The following PRKCA variants were observed in gnomAD, a reference collection of about 807,000 sequenced individuals.
PRKCA encodes the protein protein kinase C alpha.
In PRKCA, 27 loss-of-function variants were observed where a neutral mutation model predicts 87.0. The ratio of observed to expected loss-of-function variants is 0.31; its 90% confidence interval spans 0.23 to 0.43. The LOEUF (loss-of-function observed/expected upper bound fraction) is 0.43, where lower values mean the gene tolerates loss of function less well. Ranked by LOEUF, PRKCA falls within the 20% of genes least tolerant of loss-of-function variation. The pLI is 1.00. For synonymous variants in PRKCA, 329 were observed against 311.1 expected (o/e 1.06, Z -0.61); for missense variants, 518 against 852.3 (o/e 0.61, Z 4.88).
At chr17:66,425,249 C>T (rs1912734488) in intron 2 of PRKCA, among the ~76,000 whole-genome samples, 1 of 152,164 alleles carries the variant, frequency 6.6e-6, no homozygotes, top group Non-Finnish European at 1.5e-5. Flanking sequence ...GGCCGCATCC[C>T]TGCGAGACCC....
chr17:66,539,348 C>T (rs926514992), intron 3 of PRKCA, among the ~76,000 whole-genome samples: 3 of 151,992 alleles, frequency 2.0e-5, no homozygotes, highest in East Asian at 1.9e-4. Flanking sequence ...GTTATTCTTA[C>T]GTTTCCCTTT....
Position 66,397,736 on chromosome 17 carries a change from A to G in PRKCA, c.205+91609A>G, listed in dbSNP as rs148249031. Among the ~76,000 whole-genome samples the G allele has an allele frequency of 2.2e-3, 335 of 152,154 alleles. 1 individual carries two copies. Among genetic ancestry groups the G allele is most frequent in the African/African-American group, 7.7e-3 (319 of 41,488 alleles). ...GGTAACATCAAGATGTGTAGTCTGT[A>G]ATGTGTCATGGGGGGTGTGAGCCAT... On this transcript the variant is annotated intron_variant, in intron 2 of 16. Transcript: ENST00000413366.
chr17:66,520,273 A>G (rs1000512647), intron 3 of PRKCA, among the ~76,000 whole-genome samples: 1 of 151,838 alleles, frequency 6.6e-6, no homozygotes, highest in Non-Finnish European at 1.5e-5. Flanking sequence ...GGTGCCTACC[A>G]CCATGCCCGG....
At chr17:66,380,211 T>A (rs1366844422) in intron 2 of PRKCA, among the ~76,000 whole-genome samples, 2 of 147,802 alleles carry the variant, frequency 1.4e-5, no homozygotes, top group Non-Finnish European at 3.0e-5. Flanking sequence ...TTCATAGGGT[T>A]TTTTTTTTTT....
chr17:66,454,401 A>G (rs141243084), intron 2 of PRKCA, among the ~76,000 whole-genome samples: 2 of 152,366 alleles, frequency 1.3e-5, no homozygotes, highest in East Asian at 3.9e-4. Context: ...GATAAATGAT[A>G]AAACATTCTT....
chr17:66,361,241 C>T (rs1908370499), intron 2 of PRKCA, among the ~76,000 whole-genome samples: 1 of 151,784 alleles, frequency 6.6e-6, no homozygotes, highest in Non-Finnish European at 1.5e-5. Flanking sequence ...CATCCTTTTT[C>T]GGTCTTGACA....
At chr17:66,704,972 A>G (rs1973155583) in intron 8 of PRKCA, among the ~76,000 whole-genome samples, 1 of 152,214 alleles carries the variant, frequency 6.6e-6, no homozygotes, top group Non-Finnish European at 1.5e-5. Context: ...CACAAAACAC[A>G]GTTCACTAGA....
At chr17:66,630,648 A>G (rs529512741) in intron 3 of PRKCA, among the ~76,000 whole-genome samples, 2 of 152,350 alleles carry the variant, frequency 1.3e-5, no homozygotes, top group African/African-American at 4.8e-5. Context: ...CTCCTGATAT[A>G]TAACATGAGT....
intron 13 of PRKCA, among the ~76,000 whole-genome samples, chr17:66,770,337 A>ACTC (rs1974906245): frequency 1.3e-5 from 2 of 152,244 alleles, no homozygotes; most frequent in Non-Finnish European, 2.9e-5. Context: ...TTCCATGTAA[A>ACTC]CATTTGTTCA....
Position 66,354,360 on chromosome 17 carries a change from C to T in PRKCA, c.205+48233C>T, listed in dbSNP as rs191790063. Among the ~76,000 whole-genome samples the T allele has an allele frequency of 1.3e-3, 192 of 152,284 alleles. 1 individual carries two copies. Among genetic ancestry groups the T allele is most frequent in the African/African-American group, 4.2e-3 (175 of 41,552 alleles). Reference sequence around the variant, plus strand: ...CATGCAGGCAGGCTCTGGGTCCTCACCTCTGCATACAGGATGCTGAGCATG... The same window carrying T: ...CATGCAGGCAGGCTCTGGGTCCTCATCTCTGCATACAGGATGCTGAGCATG... On this transcript the variant is annotated intron_variant, in intron 2 of 16. Transcript: ENST00000413366.
intron 2 of PRKCA, among the ~76,000 whole-genome samples, chr17:66,480,318 G>T (rs1378035313): frequency 6.6e-6 from 1 of 151,990 alleles, no homozygotes; most frequent in Non-Finnish European, 1.5e-5. Flanking sequence ...TTGTAATTAT[G>T]TGGTGTTCCA....
At chr17:66,531,839 T>C (rs1166946921) in intron 3 of PRKCA, among the ~76,000 whole-genome samples, 1 of 151,878 alleles carries the variant, frequency 6.6e-6, no homozygotes, top group Non-Finnish European at 1.5e-5. Flanking sequence ...ACTTGAAGAG[T>C]AGACTTTCTT....
chr17:66,546,333 C>A (rs1968143725), intron 3 of PRKCA, among the ~76,000 whole-genome samples: 1 of 152,116 alleles, frequency 6.6e-6, no homozygotes, highest in Non-Finnish European at 1.5e-5. Flanking sequence ...GTATTAGTTT[C>A]TAAGGCTGCC....
chr17:66,316,492 A>G (rs1490981833), intron 2 of PRKCA, among the ~76,000 whole-genome samples: 1 of 152,158 alleles, frequency 6.6e-6, no homozygotes, highest in Non-Finnish European at 1.5e-5. Flanking sequence ...AAACTTGAAA[A>G]CTTTCTTAAA....
intron 2 of PRKCA, among the ~76,000 whole-genome samples, chr17:66,434,217 G>A (rs1319668410): frequency 6.6e-6 from 1 of 151,744 alleles, no homozygotes; most frequent in Non-Finnish European, 1.5e-5. Context: ...GGGAGAGAAG[G>A]CAGCATCCTT....
At position 66,596,730 on chromosome 17, in the gene PRKCA, C is replaced by G. The variant is rs1470763101; in HGVS notation, c.289-44625C>G. Among the ~76,000 whole-genome samples the G allele has an allele frequency of 4.6e-4, 40 of 86,852 alleles. 1 individual carries two copies. The highest frequency in any genetic ancestry group is 1.7e-3 in the African/African-American group (36 of 20,790). 57.0% of individuals were successfully genotyped at this position (86,852 alleles called of 152,430 possible). Reference sequence around the variant, plus strand: ...TATCTCCCAATGCTATCCCTCCCCCCTCCCCCGACCCCACCACAGTCCCCA... The same window carrying G: ...TATCTCCCAATGCTATCCCTCCCCCGTCCCCCGACCCCACCACAGTCCCCA... On this transcript the variant is annotated intron_variant, in intron 3 of 16. Transcript: ENST00000413366.
intron 9 of PRKCA, among the ~76,000 whole-genome samples, chr17:66,734,365 G>A (rs1973973426): frequency 6.6e-6 from 1 of 152,206 alleles, no homozygotes; most frequent in South Asian, 2.1e-4. Flanking sequence ...TTATTCATGA[G>A]TTTTCTGGGA....
At chr17:66,688,867 G>A (rs1240617182) in intron 7 of PRKCA, 84 bp from the exon 8 acceptor site, 12 of 838,028 alleles carry the variant, frequency 1.4e-5, no homozygotes, top group Admixed American at 7.2e-5. Context: ...CGTAGGATGC[G>A]TTTCACAAAA....
chr17:66,648,970 T>G (rs1971519953), intron 5 of PRKCA, among the ~76,000 whole-genome samples: 1 of 151,816 alleles, frequency 6.6e-6, no homozygotes, highest in South Asian at 2.1e-4. Flanking sequence ...GGCATGCGCA[T>G]GTAGTCCCAG....
Sources: gnomAD v4.1 joint callset for allele counts (sites outside exome capture counted in the v4.1 genomes callset) on GRCh38, gnomAD v4.1.1 for gene constraint, MANE v1.5 for transcripts, NCBI Gene and HGNC (gene_info 2026-07-23, HGNC 2026-07-21) for gene names.